STX3: variants seen among roughly 807,000 people sequenced by gnomAD.
STX3 encodes the protein syntaxin-3.
In STX3, 19 loss-of-function variants were observed where a neutral mutation model predicts 40.2. That is an observed-to-expected ratio of 0.47 (90% CI 0.33 to 0.69). STX3 has a LOEUF of 0.69. Among genes scored for constraint, STX3 ranks in the 30% least tolerant of loss-of-function variants. STX3 has a pLI of 0.02. For missense variants in STX3, 364 were observed against 366.7 expected (o/e 0.99, Z 0.06); for synonymous variants, 122 against 132.2 (o/e 0.92, Z 0.53).
In STX3 at chr11:59,788,914, A is replaced by G. The variant is rs1051138393; in HGVS notation, c.256A>G (p.Lys86Glu). ...DLEQLTTEIK[K>E]RANNVRNKLK... ...AGAGCAGCTCACGACTGAGATTAAG[A>G]AAAGGGCCAACAACGTCCGGAACAA... is the stretch of plus-strand genomic sequence containing the variant. Residue 86 changes from lysine to glutamate, a missense_variant, in exon 4 of 11, where the codon AAA becomes GAA. Physicochemically the swap from Lys to Glu is moderately conservative, Grantham distance 56. Transcript: ENST00000337979. The G allele has an allele frequency of 1.2e-6, 2 of 1,611,928 alleles. No individual in the cohort carries two copies. Among genetic ancestry groups the G allele is most frequent in the Admixed American group, 1.7e-5 (1 of 59,668 alleles).
At chr11:59,791,005 A>AGACCCAACAGGAGGATGC (rs1789752968) in intron 5 of STX3, among the ~76,000 whole-genome samples, 1 of 152,144 alleles carries the variant, frequency 6.6e-6, no homozygotes, top group African/African-American at 2.4e-5. Context: ...CTATTACCTA[A>AGACCCAACAGGAGGATGC]GACCCAGCAG....
At chr11:59,799,770 A>G (rs755815180) in intron 10 of STX3, 2 of 985,418 alleles carry the variant, frequency 2.0e-6, no homozygotes, top group Non-Finnish European at 2.4e-6. Flanking sequence ...TTGAAAGATA[A>G]GCAACAGTGA....
intron 1 of STX3, among the ~76,000 whole-genome samples, chr11:59,770,903 A>G (rs912295772): frequency 2.6e-5 from 4 of 152,240 alleles, no homozygotes; most frequent in Non-Finnish European, 2.9e-5. Flanking sequence ...GCCCAAAGCC[A>G]AGGGGTGTTG....
At chr11:59,782,595 A>C (rs890850873) in intron 2 of STX3, among the ~76,000 whole-genome samples, 1 of 152,156 alleles carries the variant, frequency 6.6e-6, no homozygotes, top group African/African-American at 2.4e-5. Context: ...AAGGTCATAA[A>C]ACTGCTAAGA....
Position 59,803,372 on chromosome 11 carries a change from G to A in STX3, c.*2548G>A. On this transcript the variant is annotated 3_prime_UTR_variant, in exon 11 of 11. Transcript: ENST00000337979. ...ACCTTTGTGTCTTGGGGGCACTCTAGGTGCCTTAATCTGGGTGGGATTAGG... is the reference window on the plus strand; with the variant it reads ...ACCTTTGTGTCTTGGGGGCACTCTAAGTGCCTTAATCTGGGTGGGATTAGG... 2 of 991,844 alleles carry A rather than the reference G, an allele frequency of 2.0e-6. No homozygotes were observed. The highest frequency in any genetic ancestry group is 2.6e-6 in the Non-Finnish European group (2 of 769,478). 61.4% of individuals were successfully genotyped at this position (991,844 alleles called of 1,614,324 possible).
intron 8 of STX3, among the ~76,000 whole-genome samples, 158 bp downstream of exon 8, chr11:59,793,672 C>T (rs116833271): frequency 0.045 from 6,815 of 152,196 alleles, 196 homozygotes; most frequent in African/African-American, 0.054. Context: ...GGAAAGTGTG[C>T]ATTCAAATTG....
chr11:59,803,343 T>G lies in STX3; in HGVS notation c.*2519T>G. 1 of 1,198,560 alleles carries G rather than the reference T, an allele frequency of 8.3e-7. No homozygotes were observed. The highest frequency in any genetic ancestry group is 1.0e-6 in the Non-Finnish European group (1 of 958,004). 74.2% of individuals were successfully genotyped at this position (1,198,560 alleles called of 1,614,324 possible). A position where few individuals can be genotyped will look rare whatever the true frequency, so the allele number is the denominator to read the frequency against. ...AGGGTCAGACCTTCTTTCACTGACT[T>G]GAAACCTTTGTGTCTTGGGGGCACT... On this transcript the variant is annotated 3_prime_UTR_variant, in exon 11 of 11. Transcript: ENST00000337979.
rs971840141 is a variant in STX3 at position 59,755,388 on chromosome 11, C to A, written c.-218C>A. 2.6e-6 allele frequency: 1 copy of A among 377,796 alleles called. No individual in the cohort carries two copies. The highest frequency in any genetic ancestry group is 1.3e-4 in the South Asian group (1 of 7,992). 23.4% of individuals were successfully genotyped at this position (377,796 alleles called of 1,614,324 possible). A position where few individuals can be genotyped will look rare whatever the true frequency, so the allele number is the denominator to read the frequency against. On this transcript the variant is annotated 5_prime_UTR_variant, in exon 1 of 11. Coordinates refer to ENST00000337979, the MANE Select transcript of STX3 (RefSeq NM_004177.5). ...CGGCCCGGGAGCCGGATTTGGAGCGCGAGGCGCCGGTGGGGGCGGAGGGGG... is the reference window on the plus strand; with the variant it reads ...CGGCCCGGGAGCCGGATTTGGAGCGAGAGGCGCCGGTGGGGGCGGAGGGGG...
intron 10 of STX3, among the ~76,000 whole-genome samples, chr11:59,797,653 C>T (rs1472062855): frequency 6.6e-6 from 1 of 152,202 alleles, no homozygotes; most frequent in Non-Finnish European, 1.5e-5. Context: ...ATTACCACTT[C>T]TCCCAGCATA....
At chr11:59,762,169 G>A (rs1863071928) in intron 1 of STX3, among the ~76,000 whole-genome samples, 3 of 152,144 alleles carry the variant, frequency 2.0e-5, no homozygotes, top group Admixed American at 2.0e-4. Flanking sequence ...TGGCGGCAGG[G>A]CTCCGGCATC....
intron 2 of STX3, among the ~76,000 whole-genome samples, chr11:59,775,335 T>C (rs1198935419): frequency 6.6e-6 from 1 of 152,138 alleles, no homozygotes; most frequent in Non-Finnish European, 1.5e-5. Flanking sequence ...GGAAGGACAA[T>C]ATCCTTTCAC....
intron 3 of STX3, among the ~76,000 whole-genome samples, chr11:59,787,401 G>A (rs1452227994): frequency 6.6e-6 from 1 of 152,078 alleles, no homozygotes; most frequent in Non-Finnish European, 1.5e-5. Context: ...GACTGGCGAC[G>A]ATTCCCACTG....
intron 1 of STX3, among the ~76,000 whole-genome samples, chr11:59,769,206 A>T (rs998297700): frequency 6.6e-6 from 1 of 152,148 alleles, no homozygotes. Context: ...AGCCCTGGCC[A>T]TTATGTTGCC....
intron 1 of STX3, among the ~76,000 whole-genome samples, chr11:59,759,361 G>A (rs1470585708): frequency 6.6e-6 from 1 of 152,208 alleles, no homozygotes; most frequent in Admixed American, 6.5e-5. Context: ...GCATGTGCAT[G>A]GTACCTGCTG....
At chr11:59,799,655 T>C (rs1865756126) in intron 10 of STX3, 3 of 985,472 alleles carry the variant, frequency 3.0e-6, no homozygotes, top group East Asian at 2.3e-4. Context: ...AGCTGTGCCT[T>C]CCTTTTATAT....
At chr11:59,765,340 A>G (rs145413457) in intron 1 of STX3, among the ~76,000 whole-genome samples, 98 of 152,272 alleles carry the variant, frequency 6.4e-4, no homozygotes, top group African/African-American at 2.1e-3. Flanking sequence ...CTGGCTCTTT[A>G]AAGAAGAGGG....
chr11:59,762,296 G>T (rs767123225), intron 1 of STX3, among the ~76,000 whole-genome samples: 1 of 152,222 alleles, frequency 6.6e-6, no homozygotes, highest in African/African-American at 2.4e-5. Context: ...ACAAAGTCCC[G>T]GCAGCCAGCT....
At chr11:59,795,564 C>G in intron 9 of STX3, 82 bp downstream of exon 9, 1 of 1,548,078 alleles carries the variant, frequency 6.5e-7, no homozygotes, top group Non-Finnish European at 8.7e-7. Context: ...CTCCCTGTCT[C>G]TGTTTCTGCT....
At chr11:59,799,934 A>T (rs1004221310) in intron 10 of STX3, 3 of 984,620 alleles carry the variant, frequency 3.0e-6, no homozygotes, top group African/African-American at 3.5e-5. Flanking sequence ...TTGAAATTTT[A>T]AAAAGATATA....
Sources: gnomAD v4.1 joint callset for allele counts (sites outside exome capture counted in the v4.1 genomes callset) on GRCh38, gnomAD v4.1.1 for gene constraint, MANE v1.5 for transcripts, NCBI Gene and HGNC (gene_info 2026-07-23, HGNC 2026-07-21) for gene names.